AOX1: variants seen among roughly 807,000 people sequenced by gnomAD.
AOX1 encodes aldehyde oxidase 1.
AOX1 carries 153 observed loss-of-function variants against 169.5 expected under a neutral mutation model. That is an observed-to-expected ratio of 0.90 (90% confidence interval 0.79 to 1.03). The LOEUF (loss-of-function observed/expected upper bound fraction) is 1.03. Among genes scored for constraint, AOX1 ranks in the 50% least tolerant of loss-of-function variants. AOX1 has a pLI of 0.00. For missense variants in AOX1, 1,656 were observed against 1,663.9 expected, an observed-to-expected ratio of 1.00 and a Z score of 0.08; for synonymous variants, 562 against 581.9, an observed-to-expected ratio of 0.97 and a Z score of 0.49.
chr2:200,586,870 G>A lies in AOX1; in HGVS notation c.45+717G>A, dbSNP rs188506711. ...ATGTTTGGGAGAAGCAAAGCCCCCT[G>A]GGCATCCTTTAAAACACCCCCCTTA... is the stretch of plus-strand genomic sequence containing the variant. On this transcript the variant is annotated intron_variant, in intron 1 of 34. Transcript: ENST00000374700. 3.3e-3 allele frequency among the ~76,000 whole-genome samples: 508 copies of A among 152,252 alleles called. 3 individuals carry two copies. Among genetic ancestry groups the A allele is most frequent in the African/African-American group, 0.012 (498 of 41,538 alleles).
At chr2:200,611,021 T>C (rs966855323) in intron 12 of AOX1, among the ~76,000 whole-genome samples, 1 of 151,996 alleles carries the variant, frequency 6.6e-6, no homozygotes, top group Non-Finnish European at 1.5e-5. Context: ...GCCCAGCTAA[T>C]TTTTTTGTAT....
intron 18 of AOX1, among the ~76,000 whole-genome samples, chr2:200,623,555 T>G (rs1183774802): frequency 1.3e-5 from 2 of 152,234 alleles, no homozygotes; most frequent in East Asian, 3.8e-4. Context: ...CAGCCAAACA[T>G]CAAGCCATGG....
At chr2:200,611,312 T>C (rs1398039554) in intron 12 of AOX1, 72 bp from the exon 13 acceptor site, 2 of 1,038,580 alleles carry the variant, frequency 1.9e-6, no homozygotes, top group Non-Finnish European at 1.5e-6. Context: ...TTGGTAGAAT[T>C]ACTTCCTAAG....
In AOX1 at chr2:200,644,374, T is replaced by C. The variant is rs530227431; in HGVS notation, c.2847+1573T>C. ...TTGTCAAAGATCAGTTGGGTGTAAG[T>C]ATTTGGGTTCTCTATTCTGTTCCAC... is the stretch of plus-strand genomic sequence containing the variant. On this transcript the variant is annotated intron_variant, in intron 25 of 34. Coordinates refer to ENST00000374700, the MANE Select transcript of AOX1 (RefSeq NM_001159.4). 2.0e-5 allele frequency among the ~76,000 whole-genome samples: 3 copies of C among 152,306 alleles called. No homozygotes were observed. The South Asian group carries it at 6.2e-4, about 32-fold the overall frequency.
At chr2:200,659,056 T>C (rs937054964) in intron 27 of AOX1, 109 bp from the exon 28 acceptor site, 3 of 1,056,132 alleles carry the variant, frequency 2.8e-6, no homozygotes, top group African/African-American at 1.6e-5. Flanking sequence ...TCTGCTCCCT[T>C]GTCCCTGTCA....
At chr2:200,636,276 G>T (rs796226549) in intron 21 of AOX1, among the ~76,000 whole-genome samples, 6 of 151,742 alleles carry the variant, frequency 4.0e-5, no homozygotes, top group African/African-American at 1.5e-4. Context: ...TTATAGGCAC[G>T]CACCACCATG....
At position 200,633,437 on chromosome 2, in the gene AOX1, A is replaced by G. The variant is rs966435368; in HGVS notation, c.2222-1354A>G. ...CAGATTGGCCAATTTCTATTGTTCT[A>G]TATTCTTGTACATTAATCATTTCCT... On this transcript the variant is annotated intron_variant, in intron 20 of 34. Coordinates refer to ENST00000374700, the MANE Select transcript of AOX1 (RefSeq NM_001159.4). 5.9e-5 allele frequency among the ~76,000 whole-genome samples: 9 copies of G among 151,620 alleles called. No individual in the cohort carries two copies. In the South Asian group the frequency reaches 6.2e-4, roughly 11 times the overall value.
intron 25 of AOX1, among the ~76,000 whole-genome samples, chr2:200,649,010 A>AC (rs2035524211): frequency 6.6e-6 from 1 of 151,900 alleles, no homozygotes; most frequent in African/African-American, 2.4e-5. Context: ...CCTGTGCTGC[A>AC]CCCCTAGCTG....
intron 33 of AOX1, among the ~76,000 whole-genome samples, chr2:200,669,353 A>C (rs1287222613): frequency 1.3e-5 from 2 of 152,056 alleles, no homozygotes; most frequent in Non-Finnish European, 2.9e-5. Flanking sequence ...CTGAGGCAGG[A>C]GAATGGCTCA....
chr2:200,626,614 G>A (rs535281146), intron 19 of AOX1, among the ~76,000 whole-genome samples: 108 of 152,322 alleles, frequency 7.1e-4, no homozygotes, highest in African/African-American at 2.4e-3. Context: ...AGGAGCTAGT[G>A]TATAAATGGA....
chr2:200,626,575 C>T (rs2035010448), intron 19 of AOX1, among the ~76,000 whole-genome samples: 1 of 152,214 alleles, frequency 6.6e-6, no homozygotes, highest in Non-Finnish European at 1.5e-5. Flanking sequence ...CCACTGTACC[C>T]TTTTACTGGG....
rs952662906 is a variant in AOX1, at chr2:200,638,460, A to G, written c.2568+158A>G. 5.1e-4 allele frequency among the ~76,000 whole-genome samples: 77 copies of G among 152,354 alleles called. 1 individual carries two copies. Among genetic ancestry groups the G allele is most frequent in the African/African-American group, 1.8e-3 (76 of 41,590 alleles). ...TTTCTATTGGTTGCACTGACTTTTA[A>G]TTACTAGCTGGTTCAATGGAGGCTT... On this transcript the variant is annotated intron_variant, in intron 23 of 34. Transcript: ENST00000374700.
chr2:200,670,372 C>CA (rs920813417), intron 34 of AOX1, among the ~76,000 whole-genome samples: 30 of 152,184 alleles, frequency 2.0e-4, no homozygotes, highest in African/African-American at 7.0e-4. Flanking sequence ...AAGCCCCTGA[C>CA]ACGTTGCTTT....
downstream of AOX1, among the ~76,000 whole-genome samples, chr2:200,675,211 G>T (rs2036079276): frequency 6.6e-6 from 1 of 152,160 alleles, no homozygotes; most frequent in Non-Finnish European, 1.5e-5. Context: ...GTCCCCAGTG[G>T]GTGGTTCATA....
At chr2:200,637,264 A>C (rs920055008) in intron 22 of AOX1, among the ~76,000 whole-genome samples, 20 of 152,228 alleles carry the variant, frequency 1.3e-4, no homozygotes, top group Non-Finnish European at 2.5e-4. Context: ...CACAGAAAAA[A>C]TATAATACCT....
chr2:200,650,467 G>A (rs893094018), intron 25 of AOX1, among the ~76,000 whole-genome samples: 17 of 152,136 alleles, frequency 1.1e-4, no homozygotes, highest in Admixed American at 1.1e-3. Flanking sequence ...TGGGAATACA[G>A]GAAGAATTCT....
In AOX1 at chr2:200,651,196, G is replaced by T. The variant is rs2035574967; in HGVS notation, c.3070G>T (p.Gly1024Cys). Residue 1024 changes from glycine to cysteine, a missense_variant, in exon 26 of 35, where the codon GGT (glycine) becomes TGT (cysteine). Gly to Cys is a radical substitution (Grantham distance 159). Transcript: ENST00000374700. ...TGTTGGCCTTGGCTCACGTGCTGCTGGTCAGGTGAGTTCTCCAAATGCACA... is the reference window on the plus strand; with the variant it reads ...TGTTGGCCTTGGCTCACGTGCTGCTTGTCAGGTGAGTTCTCCAAATGCACA... ...FPVGLGSRAA[G>C]QAAALVHIYL... 1.9e-6 allele frequency: 3 copies of T among 1,613,844 alleles called. No homozygotes were observed. Among genetic ancestry groups the T allele is most frequent in the Non-Finnish European group, 2.5e-6 (3 of 1,179,772 alleles).
chr2:200,627,534 G>A (rs1041178872), intron 20 of AOX1, 85 bp downstream of exon 20: 13 of 932,746 alleles, frequency 1.4e-5, no homozygotes, highest in East Asian at 1.2e-4. Flanking sequence ...GGAAATCATC[G>A]GGCAGCCTAG....
At position 200,634,987 on chromosome 2, in the gene AOX1, A is replaced by C. The variant is rs993909063; in HGVS notation, c.2346+72A>C. ...CCAGTGAAATATATCAAGAGCAATT[A>C]GAGGTAAAAGTATATTTGGGAATTT... is the stretch of plus-strand genomic sequence containing the variant. On this transcript the variant is annotated intron_variant, in intron 21 of 34. Transcript: ENST00000374700. 3 of 1,569,944 alleles carry C rather than the reference A, an allele frequency of 1.9e-6. No individual in the cohort carries two copies. In the African/African-American group the frequency reaches 4.1e-5, roughly 21 times the overall value.
Sources: gnomAD v4.1 joint callset for allele counts (sites outside exome capture counted in the v4.1 genomes callset) on GRCh38, gnomAD v4.1.1 for gene constraint, MANE v1.5 for transcripts, NCBI Gene and HGNC (gene_info 2026-07-23, HGNC 2026-07-21) for gene names.